CLEC16A: variants seen among roughly 807,000 people sequenced by gnomAD.
CLEC16A encodes protein CLEC16A.
A neutral mutation model predicts 109.5 loss-of-function variants in CLEC16A; 51 were observed. That is an observed-to-expected ratio of 0.47 (90% CI 0.37 to 0.59). CLEC16A has a LOEUF of 0.59. Ranked by LOEUF, CLEC16A falls within the 20% of genes least tolerant of loss-of-function variation. The probability of loss-of-function intolerance (pLI) is 0.00; values close to 1 mark genes in which losing one functional copy is unlikely to be tolerated. For missense variants in CLEC16A, 1,339 were observed against 1,394.0 expected (o/e 0.96, Z 0.63); for synonymous variants, 673 against 564.2 (o/e 1.19, Z -2.73).
intron 22 of CLEC16A, among the ~76,000 whole-genome samples, chr16:11,155,102 G>A (rs1210418888): frequency 5.3e-5 from 8 of 152,164 alleles, no homozygotes; most frequent in Admixed American, 5.2e-4. Flanking sequence ...CTCCAGGCTT[G>A]GTGACAGAGT....
chr16:11,093,122 C>G (rs923010851), intron 19 of CLEC16A, among the ~76,000 whole-genome samples: 1 of 152,212 alleles, frequency 6.6e-6, no homozygotes, highest in East Asian at 1.9e-4. Context: ...AGCCTTTGCA[C>G]CCCCTTCTCA....
intron 19 of CLEC16A, among the ~76,000 whole-genome samples, chr16:11,101,311 C>G (rs369107264): frequency 6.6e-6 from 1 of 152,046 alleles, no homozygotes; most frequent in African/African-American, 2.4e-5. Flanking sequence ...TTGATGGGTC[C>G]CCACCCTCCG....
At chr16:11,096,683 T>G (rs2050626322) in intron 19 of CLEC16A, among the ~76,000 whole-genome samples, 1 of 152,196 alleles carries the variant, frequency 6.6e-6, no homozygotes, top group South Asian at 2.1e-4. Context: ...CCAGGCCTTA[T>G]GGGGGTGCCT....
At position 11,022,420 on chromosome 16, in the gene CLEC16A, A is replaced by G. The variant is rs975149063; in HGVS notation, c.1436+2095A>G. On this transcript the variant is annotated intron_variant, in intron 12 of 23. Coordinates refer to ENST00000409790, the MANE Select transcript of CLEC16A (RefSeq NM_015226.3). ...AGTCTGGAACTCCTGGCCTCAAGTG[A>G]TCCTCCAATCCTCCTGCCTCAGCCT... Among the ~76,000 whole-genome samples, 32 of 136,770 alleles carry G rather than the reference A, an allele frequency of 2.3e-4. No homozygotes were observed. The East Asian group carries it at 3.0e-3, about 13-fold the overall frequency. 89.7% of individuals were successfully genotyped at this position (136,770 alleles called of 152,430 possible). A position where few individuals can be genotyped will look rare whatever the true frequency, so the allele number is the denominator to read the frequency against.
intron 23 of CLEC16A, among the ~76,000 whole-genome samples, chr16:11,170,886 T>A (rs760109815): frequency 6.6e-6 from 1 of 152,208 alleles, no homozygotes; most frequent in Non-Finnish European, 1.5e-5. Flanking sequence ...TGACAGCCGA[T>A]GCAGAACAGT....
At chr16:11,126,431 A>T in intron 22 of CLEC16A, 1 of 1,385,786 alleles carries the variant, frequency 7.2e-7, no homozygotes, top group South Asian at 1.6e-5. Flanking sequence ...AATTTCTTGG[A>T]AACATTTAAA....
chr16:10,957,734 G>A, intron 1 of CLEC16A, 48 bp from the exon 2 acceptor site: 1 of 1,605,334 alleles, frequency 6.2e-7, no homozygotes, highest in Non-Finnish European at 8.5e-7. Flanking sequence ...AACTTGGCTT[G>A]CATTTCAGTT....
chr16:11,024,841 A>G lies in CLEC16A; in HGVS notation c.1457A>G (p.Tyr486Cys). 1 of 1,605,208 alleles carries G rather than the reference A, an allele frequency of 6.2e-7. No homozygotes were observed. ...QWSRPFLDMV[Y>C]HALDSPDDDY... ...TCCAGACCCTTCCTGGATATGGTGTACCACGCGCTGGACAGCCCGGATGAT... is the reference window on the plus strand; with the variant it reads ...TCCAGACCCTTCCTGGATATGGTGTGCCACGCGCTGGACAGCCCGGATGAT... The change falls in exon 13 of 24, where the codon TAC becomes TGC. Residue 486 changes from tyrosine (Y) to cysteine (C), a missense_variant. By Grantham distance (194) the Tyr-to-Cys change is radical (BLOSUM62 -2). Transcript: ENST00000409790.
intron 22 of CLEC16A, chr16:11,150,434 C>T (rs563452377): frequency 3.3e-5 from 5 of 152,372 alleles, no homozygotes; most frequent in South Asian, 2.1e-4. Context: ...TGGCTACTTG[C>T]GTTTCTTTGG....
chr16:11,003,323 C>T lies in CLEC16A; in HGVS notation c.1303+18C>T, dbSNP rs201986430. The T allele has an allele frequency of 2.3e-5, 37 of 1,600,630 alleles. No individual in the cohort carries two copies. The highest frequency in any genetic ancestry group is 2.2e-4 in the Middle Eastern group (1 of 4,476). On this transcript the variant is annotated intron_variant, in intron 11 of 23. Coordinates refer to ENST00000409790, the MANE Select transcript of CLEC16A (RefSeq NM_015226.3). ...GAGTGAAGGTGAGTGTCCCCATGAA[C>T]GCCGCCCTGTGCCTGCGCCGCCAGC...
rs747798116 is a variant in CLEC16A, at chr16:11,003,068, T to G, written c.1072-6T>G. On this transcript the variant is annotated splice_region_variant and splice_polypyrimidine_tract_variant and intron_variant, in intron 10 of 23. Coordinates refer to ENST00000409790, the MANE Select transcript of CLEC16A (RefSeq NM_015226.3). ...TTCACCTGTTGCCTTCGTTGGACTT[T>G]CCTAGGCCAAGCCCAGCATTCGGTG... The G allele has an allele frequency of 6.2e-7, 1 of 1,604,758 alleles. No individual in the cohort carries two copies. Among genetic ancestry groups the G allele is most frequent in the East Asian group, 2.2e-5 (1 of 44,754 alleles).
intron 22 of CLEC16A, among the ~76,000 whole-genome samples, chr16:11,148,626 C>T (rs1264023626): frequency 6.6e-6 from 1 of 152,164 alleles, no homozygotes; most frequent in Non-Finnish European, 1.5e-5. Context: ...GTCTGTCTGC[C>T]ACCAAAGCCC....
chr16:11,055,230 T>G (rs1045936712), intron 18 of CLEC16A, among the ~76,000 whole-genome samples: 14 of 152,176 alleles, frequency 9.2e-5, no homozygotes, highest in African/African-American at 3.4e-4. Flanking sequence ...AGGTTGGGTA[T>G]CAACTCACAG....
At chr16:11,066,947 C>A (rs2048793074) in intron 19 of CLEC16A, among the ~76,000 whole-genome samples, 1 of 152,000 alleles carries the variant, frequency 6.6e-6, no homozygotes, top group Admixed American at 6.6e-5. Context: ...CTTTTGGGGA[C>A]GGATCGCCAA....
chr16:11,109,686 T>A (rs1470328222), intron 19 of CLEC16A, among the ~76,000 whole-genome samples: 4 of 152,196 alleles, frequency 2.6e-5, no homozygotes, highest in Non-Finnish European at 5.9e-5. Flanking sequence ...CCCTCACACG[T>A]GCAGCCACGG....
At chr16:10,953,124 G>A (rs1213469176) in intron 1 of CLEC16A, among the ~76,000 whole-genome samples, 1 of 152,184 alleles carries the variant, frequency 6.6e-6, no homozygotes, top group Admixed American at 6.5e-5. Flanking sequence ...ATTACTATAT[G>A]GCAAGATTTA....
At chr16:11,147,107 G>A (rs534025615) in intron 22 of CLEC16A, among the ~76,000 whole-genome samples, 1 of 151,980 alleles carries the variant, frequency 6.6e-6, no homozygotes, top group African/African-American at 2.4e-5. Context: ...GGCTGCCATA[G>A]ACAGGAGAGC....
At chr16:11,152,858 A>G (rs796172601) in intron 22 of CLEC16A, among the ~76,000 whole-genome samples, 155 of 152,282 alleles carry the variant, frequency 1.0e-3, no homozygotes, top group Middle Eastern at 3.4e-3. Flanking sequence ...TATTTGGGGC[A>G]CTAATCATCT....
At chr16:11,010,446 A>C (rs1306526205) in intron 11 of CLEC16A, among the ~76,000 whole-genome samples, 1 of 152,198 alleles carries the variant, frequency 6.6e-6, no homozygotes, top group African/African-American at 2.4e-5. Flanking sequence ...TCAAATTTAC[A>C]AAAGGTGCAA....
Sources: allele counts gnomAD v4.1 joint callset (sites outside exome capture counted in the v4.1 genomes callset), GRCh38; gene constraint gnomAD v4.1.1; transcripts MANE v1.5; gene names NCBI Gene and HGNC (gene_info 2026-07-23, HGNC 2026-07-21).